The following SGCD variants were observed in gnomAD, a reference collection of about 807,000 sequenced individuals.
The protein encoded by SGCD is sarcoglycan delta.
SGCD carries 18 observed loss-of-function variants against 36.6 expected under a neutral mutation model. The observed-to-expected ratio is 0.49, with a 90% CI of 0.34 to 0.73. The LOEUF is 0.73. Among genes scored for constraint, SGCD ranks in the 30% least tolerant of loss-of-function variants. The pLI, the probability that SGCD is intolerant of heterozygous loss-of-function variation, is 0.01. For synonymous variants in SGCD, 133 were observed against 130.6 expected, an observed-to-expected ratio of 1.02 and a Z score of -0.12; for missense variants, 387 against 346.7, an observed-to-expected ratio of 1.12 and a Z score of -0.92.
intron 1 of SGCD, among the ~76,000 whole-genome samples, chr5:155,913,166 A>T (rs1299341042): frequency 1.3e-5 from 2 of 152,296 alleles, no homozygotes; most frequent in East Asian, 3.9e-4. Flanking sequence ...AAAGAGGGAT[A>T]CCTTTTGAAC....
At chr5:156,127,737 T>G (rs1284991465) in intron 3 of SGCD, among the ~76,000 whole-genome samples, 1 of 150,490 alleles carries the variant, frequency 6.6e-6, no homozygotes, top group Non-Finnish European at 1.5e-5. Context: ...AAAAATTGCT[T>G]GAACAAATAA....
At chr5:156,065,282 T>C (rs1248384269) in intron 1 of SGCD, among the ~76,000 whole-genome samples, 14 of 34,642 alleles carry the variant, frequency 4.0e-4, no homozygotes, top group African/African-American at 1.8e-3. Context: ...CTAGTTTGAT[T>C]GCACTGTGGT....
At chr5:155,911,497 C>G (rs759063233) in intron 1 of SGCD, among the ~76,000 whole-genome samples, 57 of 152,098 alleles carry the variant, frequency 3.7e-4, no homozygotes, top group Non-Finnish European at 7.8e-4. Context: ...TTCCTGTTCA[C>G]ACCTGTTTGT....
intron 3 of SGCD, among the ~76,000 whole-genome samples, chr5:156,443,247 A>T (rs1753579386): frequency 6.6e-6 from 1 of 152,194 alleles, no homozygotes; most frequent in Admixed American, 6.5e-5. Flanking sequence ...GGCCTCCCAA[A>T]GTGCTGGGAT....
At chr5:155,816,860 A>C in the SGCD span, among the ~76,000 whole-genome samples, 2 of 152,194 alleles carry the variant, frequency 1.3e-5, no homozygotes, top group African/African-American at 4.8e-5. Flanking sequence ...TTGGTTCATA[A>C]AAATTATCAA....
intron 3 of SGCD, among the ~76,000 whole-genome samples, chr5:156,238,900 A>T (rs1765232255): frequency 6.6e-6 from 1 of 152,118 alleles, no homozygotes; most frequent in Non-Finnish European, 1.5e-5. Flanking sequence ...AATTCCTCAA[A>T]CAGTGCTCTC....
chr5:156,171,994 A>T (rs1447308894), intron 3 of SGCD, among the ~76,000 whole-genome samples: 6 of 152,226 alleles, frequency 3.9e-5, no homozygotes, highest in Non-Finnish European at 4.4e-5. Context: ...CTCATTCAAG[A>T]TCAGCAGGCC....
At chr5:155,947,589 G>A (rs184582096) in intron 1 of SGCD, among the ~76,000 whole-genome samples, 1 of 152,174 alleles carries the variant, frequency 6.6e-6, no homozygotes. Flanking sequence ...CCCAGGCTCA[G>A]TTTCTTTGTC....
At chr5:155,957,421 C>T (rs1757686530) in intron 1 of SGCD, among the ~76,000 whole-genome samples, 1 of 152,070 alleles carries the variant, frequency 6.6e-6, no homozygotes, top group Non-Finnish European at 1.5e-5. Flanking sequence ...GCCTGGCTCC[C>T]ATTCCTCAAG....
At chr5:155,921,908 G>T (rs919978212) in intron 1 of SGCD, among the ~76,000 whole-genome samples, 2 of 152,214 alleles carry the variant, frequency 1.3e-5, no homozygotes, top group African/African-American at 4.8e-5. Context: ...GAGTAATTCA[G>T]TTCATCTTTA....
At chr5:156,423,228 TG>T (rs1773442181) in intron 3 of SGCD, among the ~76,000 whole-genome samples, 5 of 79,732 alleles carry the variant, frequency 6.3e-5, no homozygotes, top group Non-Finnish European at 2.3e-5. Flanking sequence ...TATAATATAT[TG>T]TATTATATTA....
At chr5:156,061,340 G>C (rs1293175043) in intron 1 of SGCD, among the ~76,000 whole-genome samples, 1 of 145,950 alleles carries the variant, frequency 6.9e-6, no homozygotes, top group African/African-American at 2.5e-5. Context: ...AAGAAACAGA[G>C]ACAGGGAGTT....
intron 3 of SGCD, among the ~76,000 whole-genome samples, chr5:156,211,608 A>C (rs1171007146): frequency 2.2e-5 from 3 of 137,450 alleles, no homozygotes; most frequent in Non-Finnish European, 4.9e-5. Context: ...ACTCAGACTC[A>C]AAAAAAAAAA....
the SGCD span, among the ~76,000 whole-genome samples, chr5:155,737,771 G>A: frequency 6.6e-6 from 1 of 152,176 alleles, no homozygotes; most frequent in Non-Finnish European, 1.5e-5. Flanking sequence ...TCTGTCAGCA[G>A]ATTGTTGTCA....
intron 1 of SGCD, among the ~76,000 whole-genome samples, chr5:155,888,703 G>A (rs1756060176): frequency 6.6e-6 from 1 of 152,154 alleles, no homozygotes. Context: ...AGAAAGAGAT[G>A]TTTCTTTCTT....
chr5:155,859,877 C>T, the SGCD span, among the ~76,000 whole-genome samples: 47 of 152,308 alleles, frequency 3.1e-4, 1 homozygote, highest in South Asian at 7.2e-3. Flanking sequence ...AATCCTTACC[C>T]TCCAAATCCA....
At chr5:155,805,992 GGAGGA>G in the SGCD span, among the ~76,000 whole-genome samples, 2 of 152,160 alleles carry the variant, frequency 1.3e-5, no homozygotes, top group African/African-American at 4.8e-5. Flanking sequence ...GCTAAGATGG[GGAGGA>G]GGTCAGCATA....
intron 1 of SGCD, among the ~76,000 whole-genome samples, chr5:155,884,682 C>T (rs1461716511): frequency 1.3e-5 from 2 of 152,186 alleles, no homozygotes; most frequent in Non-Finnish European, 2.9e-5. Flanking sequence ...GAACTCTAGA[C>T]ATGAGCAGAT....
chr5:156,033,495 C>T (rs959046283), intron 1 of SGCD, among the ~76,000 whole-genome samples: 7 of 152,098 alleles, frequency 4.6e-5, no homozygotes, highest in Non-Finnish European at 8.8e-5. Flanking sequence ...CAGTATTTGA[C>T]TTTCTGTTTC....
Sources: gnomAD v4.1 joint callset for allele counts (sites outside exome capture counted in the v4.1 genomes callset) on GRCh38, gnomAD v4.1.1 for gene constraint, MANE v1.5 for transcripts, NCBI Gene and HGNC (gene_info 2026-07-23, HGNC 2026-07-21) for gene names.